CHIC1: variants seen among roughly 807,000 people sequenced by gnomAD.
The protein encoded by CHIC1 is cysteine-rich hydrophobic domain-containing protein 1.
Under a neutral mutation model 18.5 loss-of-function variants are expected in CHIC1, and 7 were observed. The ratio of observed to expected loss-of-function variants is 0.38; its 90% CI spans 0.22 to 0.71. The LOEUF is 0.71. CHIC1 is among the 30% of genes least tolerant of loss of function. CHIC1 has a pLI of 0.49. For synonymous variants in CHIC1, 77 were observed against 73.5 expected, an observed-to-expected ratio of 1.05 and a Z score of -0.25; for missense variants, 159 against 176.9, an observed-to-expected ratio of 0.90 and a Z score of 0.57.
intron 3 of CHIC1, among the ~76,000 whole-genome samples, chrX:73,678,275 G>A (rs150778332): frequency 1.8e-5 from 2 of 112,319 alleles, no homozygotes; most frequent in African/African-American, 3.2e-5. Flanking sequence ...TGGGACAGCA[G>A]TGCCAGGTAG....
rs41303729 is a variant in CHIC1 at position 73,682,958 on chromosome X, A to G, written c.*1953A>G. ...ATCGATTTTCAGCATAATACAAAAT[A>G]TCTCATTTTCACTGATAGAAAATTG... On this transcript the variant is annotated 3_prime_UTR_variant, in exon 6 of 6. Transcript: ENST00000373502. 9.0e-6 allele frequency: 1 copy of G among 111,686 alleles called. No individual in the cohort carries two copies. Among genetic ancestry groups the G allele is most frequent in the Non-Finnish European group, 1.9e-5 (1 of 52,874 alleles). 9.2% of individuals were successfully genotyped at this position (111,686 alleles called of 1,213,427 possible).
At chrX:73,640,810 G>GT (rs2057852190) in intron 3 of CHIC1, among the ~76,000 whole-genome samples, 1 of 111,045 alleles carries the variant, frequency 9.0e-6, no homozygotes, top group African/African-American at 3.3e-5. Context: ...TGGATTTGTT[G>GT]ATCTTTTGTA....
At chrX:73,660,367 T>G (rs2057973711) in intron 3 of CHIC1, among the ~76,000 whole-genome samples, 1 of 111,911 alleles carries the variant, frequency 8.9e-6, no homozygotes, top group African/African-American at 3.2e-5. Flanking sequence ...AGCAGTTACA[T>G]TATTAGAGGC....
At chrX:73,564,801 T>G (rs2057436861) in intron 1 of CHIC1, among the ~76,000 whole-genome samples, 1 of 92,019 alleles carries the variant, frequency 1.1e-5, no homozygotes, top group Non-Finnish European at 2.1e-5. Context: ...GTTTTTTTTT[T>G]TTTTTTTTTT....
chrX:73,620,453 C>A (rs1258637843), intron 3 of CHIC1, among the ~76,000 whole-genome samples: 2 of 112,142 alleles, frequency 1.8e-5, no homozygotes, highest in Non-Finnish European at 3.8e-5. Context: ...TCTCTAATGA[C>A]CAGTGATGAT....
intron 3 of CHIC1, among the ~76,000 whole-genome samples, chrX:73,661,792 A>G (rs1182822959): frequency 9.0e-6 from 1 of 111,531 alleles, no homozygotes; most frequent in African/African-American, 3.3e-5. Flanking sequence ...TCTGAGTGCT[A>G]GTAAATCCAG....
At chrX:73,649,232 C>G (rs1442174628) in intron 3 of CHIC1, among the ~76,000 whole-genome samples, 2 of 111,684 alleles carry the variant, frequency 1.8e-5, no homozygotes, top group Non-Finnish European at 3.8e-5. Flanking sequence ...CTGGAACTAG[C>G]CACTGCAAAA....
At chrX:73,565,132 T>C (rs1356750287) in intron 1 of CHIC1, among the ~76,000 whole-genome samples, 2 of 111,148 alleles carry the variant, frequency 1.8e-5, no homozygotes, top group Non-Finnish European at 3.8e-5. Context: ...TGCCAACTTA[T>C]TGCACGGTTT....
chrX:73,567,536 C>T (rs2057450397), intron 1 of CHIC1, among the ~76,000 whole-genome samples: 1 of 111,077 alleles, frequency 9.0e-6, no homozygotes, highest in South Asian at 3.8e-4. Flanking sequence ...ATTCAGGACC[C>T]TTTCACTACC....
intron 3 of CHIC1, among the ~76,000 whole-genome samples, chrX:73,668,444 G>A (rs1414057648): frequency 8.9e-6 from 1 of 111,834 alleles, no homozygotes; most frequent in Non-Finnish European, 1.9e-5. Context: ...GGGGCACTCT[G>A]GATTTTTTAG....
intron 3 of CHIC1, among the ~76,000 whole-genome samples, chrX:73,608,049 T>C: frequency 9.1e-6 from 1 of 109,512 alleles, no homozygotes; most frequent in Non-Finnish European, 1.9e-5. Flanking sequence ...AGCTCTTACA[T>C]TTAGTGCTTT....
intron 3 of CHIC1, among the ~76,000 whole-genome samples, chrX:73,602,978 A>G (rs1184700784): frequency 9.2e-6 from 1 of 108,325 alleles, no homozygotes; most frequent in Non-Finnish European, 1.9e-5. Flanking sequence ...TTTGCTTAGG[A>G]TTGTCTTGGG....
chrX:73,657,008 TCCTTTACTTC>T (rs1212317967), intron 3 of CHIC1, among the ~76,000 whole-genome samples: 1 of 110,229 alleles, frequency 9.1e-6, no homozygotes, highest in Non-Finnish European at 1.9e-5. Context: ...CTTGAAGAGG[TCCTTTACTTC>T]CCTTGTAGGC....
At chrX:73,652,105 G>A (rs968217023) in intron 3 of CHIC1, among the ~76,000 whole-genome samples, 1 of 111,440 alleles carries the variant, frequency 9.0e-6, no homozygotes, top group Non-Finnish European at 1.9e-5. Flanking sequence ...TCCATTCTTC[G>A]ATGAACCTGA....
intron 3 of CHIC1, among the ~76,000 whole-genome samples, chrX:73,672,503 A>G (rs1444343446): frequency 1.8e-5 from 2 of 112,031 alleles, no homozygotes; most frequent in African/African-American, 6.5e-5. Context: ...TTTGATTTGC[A>G]TTTCTCTGAT....
intron 3 of CHIC1, among the ~76,000 whole-genome samples, chrX:73,604,817 G>C (rs1441426670): frequency 2.7e-5 from 3 of 109,187 alleles, no homozygotes; most frequent in Non-Finnish European, 5.6e-5. Flanking sequence ...GTGCTGTTTT[G>C]AGTGAGTTTG....
At chrX:73,659,569 A>T (rs979895416) in intron 3 of CHIC1, among the ~76,000 whole-genome samples, 1 of 110,307 alleles carries the variant, frequency 9.1e-6, no homozygotes, top group Non-Finnish European at 1.9e-5. Context: ...TAATACCATG[A>T]CACTTGCAAT....
intron 3 of CHIC1, among the ~76,000 whole-genome samples, chrX:73,666,539 G>A (rs1274263262): frequency 8.9e-6 from 1 of 111,957 alleles, no homozygotes; most frequent in Non-Finnish European, 1.9e-5. Context: ...GGGTGGATCT[G>A]CCTTCCCCAG....
At position 73,684,333 on chromosome X, in the gene CHIC1, T is replaced by C. The variant is rs2058112412; in HGVS notation, c.*3328T>C. 8.9e-6 allele frequency: 1 copy of C among 111,773 alleles called. No individual in the cohort carries two copies. Among genetic ancestry groups the C allele is most frequent in the East Asian group, 2.8e-4 (1 of 3,566 alleles). 9.2% of individuals were successfully genotyped at this position (111,773 alleles called of 1,213,427 possible). A position where few individuals can be genotyped will look rare whatever the true frequency, so the allele number is the denominator to read the frequency against. ...ATACTATTCATATTATTATGGCCTG[T>C]AAACACTAATATCTGAGCAATCAAA... is the stretch of plus-strand genomic sequence containing the variant. On this transcript the variant is annotated 3_prime_UTR_variant, in exon 6 of 6. Transcript: ENST00000373502.
Sources: gnomAD v4.1 joint callset for allele counts (sites outside exome capture counted in the v4.1 genomes callset) on GRCh38, gnomAD v4.1.1 for gene constraint, MANE v1.5 for transcripts, NCBI Gene and HGNC (gene_info 2026-07-23, HGNC 2026-07-21) for gene names.